Variants in CYP2C18 observed in about 807,000 individuals in gnomAD.
CYP2C18 encodes the protein cytochrome P450 family 2 subfamily C member 18, also known as cytochrome P450 2C18.
CYP2C18 carries 38 observed loss-of-function variants against 41.3 expected under a neutral mutation model. The observed-to-expected ratio is 0.92, with a 90% CI of 0.71 to 1.21. The LOEUF (loss-of-function observed/expected upper bound fraction) is 1.21, where lower values mean the gene tolerates loss of function less well. Among genes scored for constraint, CYP2C18 ranks in the 50% most tolerant of loss-of-function variants. CYP2C18 has a pLI of 0.00. For synonymous variants in CYP2C18, 236 were observed against 210.0 expected (o/e 1.12, Z -1.07); for missense variants, 635 against 591.4 (o/e 1.07, Z -0.77).
chr10:94,707,027 A>G lies in CYP2C18; in HGVS notation c.819+67A>G, dbSNP rs916738869. ...TTAGTTCTATAACGATTGCTTAAAT[A>G]GTGAGGCAAGAAACACTTCATGAGC... is the stretch of plus-strand genomic sequence containing the variant. On this transcript the variant is annotated intron_variant, in intron 5 of 8. Transcript: ENST00000285979. The G allele has an allele frequency of 2.8e-6, 4 of 1,405,872 alleles. No individual in the cohort carries two copies. The African/African-American group carries it at 5.8e-5, about 20-fold the overall frequency. 87.1% of individuals were successfully genotyped at this position (1,405,872 alleles called of 1,614,324 possible). A position where few individuals can be genotyped will look rare whatever the true frequency, so the allele number is the denominator to read the frequency against.
chr10:94,709,991 T>G (rs1031462332), intron 5 of CYP2C18, among the ~76,000 whole-genome samples: 1 of 152,184 alleles, frequency 6.6e-6, no homozygotes, highest in Non-Finnish European at 1.5e-5. Context: ...AGTACTTTTT[T>G]TTTTTGAGAC....
intron 6 of CYP2C18, 45 bp downstream of exon 6, chr10:94,720,582 G>T: frequency 6.4e-7 from 1 of 1,574,660 alleles, no homozygotes; most frequent in Non-Finnish European, 8.7e-7. Flanking sequence ...CAGAAAAGAT[G>T]TTGGGAAGAC....
intron 6 of CYP2C18, among the ~76,000 whole-genome samples, chr10:94,720,841 C>T (rs574763336): frequency 2.0e-5 from 3 of 152,102 alleles, no homozygotes; most frequent in Non-Finnish European, 2.9e-5. Context: ...GTAGCAGGCA[C>T]AGGCATGATG....
chr10:94,733,684 C>A (rs1398122041), intron 8 of CYP2C18: 2 of 795,296 alleles, frequency 2.5e-6, no homozygotes, highest in East Asian at 2.5e-4. Flanking sequence ...TAATTTAATT[C>A]TGCCTCTAGA....
chr10:94,723,886 T>A (rs1161747128), intron 6 of CYP2C18, among the ~76,000 whole-genome samples: 1 of 152,140 alleles, frequency 6.6e-6, no homozygotes, highest in Non-Finnish European at 1.5e-5. Flanking sequence ...AGTGTGAGGA[T>A]GAGAGAGAAT....
At chr10:94,715,975 G>C (rs1235643243) in intron 5 of CYP2C18, among the ~76,000 whole-genome samples, 1 of 152,178 alleles carries the variant, frequency 6.6e-6, no homozygotes, top group South Asian at 2.1e-4. Flanking sequence ...TTGCGTAGAG[G>C]TGTTTATAGT....
chr10:94,724,660 A>T, intron 7 of CYP2C18, 127 bp downstream of exon 7: 1 of 898,728 alleles, frequency 1.1e-6, no homozygotes, highest in Non-Finnish European at 1.8e-6. Flanking sequence ...AGCTTTCTGG[A>T]CTCTGCTGTT....
Position 94,735,501 on chromosome 10 carries a change from G to T in CYP2C18, c.*57G>T. On this transcript the variant is annotated 3_prime_UTR_variant, in exon 9 of 9. Transcript: ENST00000285979. ...TGTCACCTGCAATTCTCCCTTATCA[G>T]GGCCATTGGCCTCTCCCTTCTCTCT... The T allele has an allele frequency of 6.4e-7, 1 of 1,552,686 alleles. No individual in the cohort carries two copies. Among genetic ancestry groups the T allele is most frequent in the Non-Finnish European group, 8.9e-7 (1 of 1,126,210 alleles).
intron 3 of CYP2C18, among the ~76,000 whole-genome samples, chr10:94,694,573 A>C (rs763814726): frequency 3.9e-5 from 6 of 152,144 alleles, no homozygotes; most frequent in Non-Finnish European, 8.8e-5. Context: ...GTTATTTTGC[A>C]CTGATGACCT....
At chr10:94,687,968 G>A (rs750080010) in intron 2 of CYP2C18, 36 bp downstream of exon 2, 2 of 1,604,092 alleles carry the variant, frequency 1.2e-6, no homozygotes, top group East Asian at 2.2e-5. Flanking sequence ...GTGTACATGT[G>A]TATGTACTGG....
chr10:94,730,002 A>C (rs1847801363), intron 7 of CYP2C18, among the ~76,000 whole-genome samples: 1 of 152,170 alleles, frequency 6.6e-6, no homozygotes, highest in African/African-American at 2.4e-5. Context: ...AAACTAGTTG[A>C]GAAGTTTTTG....
chr10:94,727,548 G>A (rs943942733), intron 7 of CYP2C18, among the ~76,000 whole-genome samples: 5 of 151,872 alleles, frequency 3.3e-5, no homozygotes, highest in Admixed American at 1.3e-4. Context: ...CCAAGAGGTT[G>A]ACGCTGCTGT....
chr10:94,715,203 C>A (rs371675379), intron 5 of CYP2C18, among the ~76,000 whole-genome samples: 2 of 152,306 alleles, frequency 1.3e-5, no homozygotes, highest in East Asian at 3.9e-4. Context: ...CTGGCCAGAA[C>A]TTCCAACAGT....
Position 94,735,574 on chromosome 10 carries a change from T to C in CYP2C18, c.*130T>C. The C allele has an allele frequency of 2.2e-6, 2 of 911,664 alleles. No individual in the cohort carries two copies. The highest frequency in any genetic ancestry group is 2.8e-4 in the Middle Eastern group (1 of 3,626). 56.5% of individuals were successfully genotyped at this position (911,664 alleles called of 1,614,324 possible). On this transcript the variant is annotated 3_prime_UTR_variant, in exon 9 of 9. Coordinates refer to ENST00000285979, the MANE Select transcript of CYP2C18 (RefSeq NM_000772.3). ...TGTCAATCCACATCTTCCCATTCCC[T>C]CAAGATCCAATGAACATCCAACCTC...
chr10:94,696,581 C>T (rs929940130), intron 4 of CYP2C18, among the ~76,000 whole-genome samples: 1 of 152,066 alleles, frequency 6.6e-6, no homozygotes, highest in Non-Finnish European at 1.5e-5. Context: ...GCCTCTCCTC[C>T]CCCAAAGGAA....
At chr10:94,701,227 CA>C (rs1305993528) in intron 4 of CYP2C18, among the ~76,000 whole-genome samples, 1 of 152,120 alleles carries the variant, frequency 6.6e-6, no homozygotes, top group African/African-American at 2.4e-5. Flanking sequence ...ACCAAATATC[CA>C]ACAATGATAG....
intron 4 of CYP2C18, among the ~76,000 whole-genome samples, chr10:94,700,812 T>A (rs1260753370): frequency 6.6e-6 from 1 of 152,152 alleles, no homozygotes; most frequent in Non-Finnish European, 1.5e-5. Flanking sequence ...GGGCAAAGGT[T>A]ATGAACAGAC....
chr10:94,716,947 G>A (rs1847558688), intron 5 of CYP2C18, among the ~76,000 whole-genome samples: 1 of 152,098 alleles, frequency 6.6e-6, no homozygotes, highest in African/African-American at 2.4e-5. Context: ...GGCCTTGTTT[G>A]TGTCTTTCGA....
At chr10:94,726,406 G>A (rs1450518076) in intron 7 of CYP2C18, among the ~76,000 whole-genome samples, 1 of 151,760 alleles carries the variant, frequency 6.6e-6, no homozygotes, top group Non-Finnish European at 1.5e-5. Context: ...TGTCCTTATT[G>A]TTCAACTCCC....
Sources: gnomAD v4.1 joint callset for allele counts (sites outside exome capture counted in the v4.1 genomes callset) on GRCh38, gnomAD v4.1.1 for gene constraint, MANE v1.5 for transcripts, NCBI Gene and HGNC (gene_info 2026-07-23, HGNC 2026-07-21) for gene names.